The following RPN1 variants were observed in gnomAD, a reference collection of about 807,000 sequenced individuals.
RPN1 encodes the protein ribophorin I, also known as dolichyl-diphosphooligosaccharide--protein glycosyltransferase subunit 1.
RPN1 carries 12 observed loss-of-function variants against 55.5 expected under a neutral mutation model. The ratio of observed to expected loss-of-function variants is 0.22; its 90% CI spans 0.14 to 0.35. The LOEUF (loss-of-function observed/expected upper bound fraction) is 0.35. RPN1 is among the 10% of genes least tolerant of loss of function. RPN1 has a pLI of 1.00. For synonymous variants in RPN1, 317 were observed against 305.9 expected (o/e 1.04, Z -0.38); for missense variants, 679 against 761.3 (o/e 0.89, Z 1.27).
chr3:128,639,321 G>A (rs2069707327), intron 2 of RPN1, among the ~76,000 whole-genome samples: 1 of 151,854 alleles, frequency 6.6e-6, no homozygotes. Flanking sequence ...GGGCGTTGTG[G>A]CGGGCACCTG....
At chr3:128,631,477 T>C (rs1334292145) in intron 4 of RPN1, among the ~76,000 whole-genome samples, 2 of 137,532 alleles carry the variant, frequency 1.5e-5, no homozygotes, top group African/African-American at 5.6e-5. Flanking sequence ...AAACTCCGTC[T>C]CAAGAAAAAA....
chr3:128,637,903 G>A lies in RPN1; in HGVS notation c.529C>T (p.Leu177Phe). Residue 177 changes from leucine (L) to phenylalanine (F), a missense_variant, in exon 3 of 10, where the codon CTT becomes TTT. This residue lies in a region of RPN1 where 352 missense variants were observed against 352.8 expected (regional missense o/e 1.00). Transcript: ENST00000296255. Reference protein sequence around the residue: ...PTKTQTMRVKLASRNVESYTK... With the variant: ...PTKTQTMRVKFASRNVESYTK... ...TAGCTCTCCACATTTCGAGAGGCAAGCTTCACACGCATGGTTTGTGTCTTC... is the reference window on the plus strand; with the variant it reads ...TAGCTCTCCACATTTCGAGAGGCAAACTTCACACGCATGGTTTGTGTCTTC... 6.2e-7 allele frequency: 1 copy of A among 1,614,182 alleles called. No homozygotes were observed. The highest frequency in any genetic ancestry group is 8.5e-7 in the Non-Finnish European group (1 of 1,180,042).
intron 4 of RPN1, among the ~76,000 whole-genome samples, chr3:128,630,704 A>C (rs2107715644): frequency 6.6e-6 from 1 of 152,370 alleles, no homozygotes; most frequent in South Asian, 2.1e-4. Context: ...ATATGATAAA[A>C]TGTTTTTTAA....
chr3:128,626,895 G>A, intron 5 of RPN1, 63 bp from the exon 6 acceptor site: 1 of 1,423,506 alleles, frequency 7.0e-7, no homozygotes, highest in Non-Finnish European at 9.9e-7. Context: ...AGGAGAGAAA[G>A]AAGTACAGGG....
In RPN1 at chr3:128,625,622, A is replaced by T; in HGVS notation, c.1307T>A (p.Leu436Gln). 2 of 1,614,124 alleles carry T rather than the reference A, an allele frequency of 1.2e-6. No homozygotes were observed. Among genetic ancestry groups the T allele is most frequent in the Non-Finnish European group, 1.7e-6 (2 of 1,179,996 alleles). ...CGCCACCACCAGCAGGGGCTCCTGC[A>T]GCATGAGCACCTTGTTGAACGTGTA... ...VHYTFNKVLM[L>Q]QEPLLVVAAF... Residue 436 changes from leucine to glutamine, a missense_variant, in exon 8 of 10, where the codon CTG (leucine) becomes CAG (glutamine). By Grantham distance (113) the Leu-to-Gln change is moderately radical. Transcript: ENST00000296255.
At chr3:128,648,905 C>G (rs946017623) in intron 1 of RPN1, among the ~76,000 whole-genome samples, 16 of 152,152 alleles carry the variant, frequency 1.1e-4, no homozygotes, top group African/African-American at 4.8e-5. Flanking sequence ...ACTGTAAGAC[C>G]GCATGTAAGG....
Position 128,631,966 on chromosome 3 carries a change from G to A in RPN1, c.825C>T (p.Ser275=), listed in dbSNP as rs546291767. The change falls in exon 4 of 10, where the codon TCC becomes TCT. Residue 275 remains serine, a synonymous_variant. Transcript: ENST00000296255. The stretch of plus-strand genomic sequence containing the variant: ...TCCATACCTTAAAAGAACGGATGGA[G>A]GATATTCCACTATCTGGCTGTCTCT... ...DYQRQPDSGI[S]SIRSFKTILP... The A allele has an allele frequency of 1.2e-6, 2 of 1,614,158 alleles. No individual in the cohort carries two copies. The highest frequency in any genetic ancestry group is 1.1e-5 in the South Asian group (1 of 91,082).
At chr3:128,631,345 G>A (rs1367025227) in intron 4 of RPN1, among the ~76,000 whole-genome samples, 2 of 151,660 alleles carry the variant, frequency 1.3e-5, no homozygotes, top group Admixed American at 6.6e-5. Context: ...AGGCTTGGTG[G>A]TGCATGCCTG....
chr3:128,637,606 TA>T (rs1017758355), intron 3 of RPN1, among the ~76,000 whole-genome samples, 192 bp downstream of exon 3: 2 of 152,174 alleles, frequency 1.3e-5, no homozygotes, highest in Non-Finnish European at 2.9e-5. Flanking sequence ...CCCTAGCCTC[TA>T]CCTGTGATCC....
chr3:128,635,618 TATATATATATATATATATATAG>T (rs1200936207), intron 3 of RPN1, among the ~76,000 whole-genome samples: 2 of 23,222 alleles, frequency 8.6e-5, no homozygotes, highest in Admixed American at 7.7e-4. Flanking sequence ...TTGAGATATA[TATATATATATATATATATATAG>T]ATATATATAT....
chr3:128,620,538 G>A lies in RPN1; in HGVS notation c.1697C>T (p.Ala566Val), dbSNP rs754321104. 2.0e-5 allele frequency: 32 copies of A among 1,613,892 alleles called. No homozygotes were observed. Among genetic ancestry groups the A allele is most frequent in the East Asian group, 1.6e-4 (7 of 44,892 alleles). The change falls in exon 10 of 10, where the codon GCG becomes GTG. Residue 566 changes from alanine to valine, a missense_variant. Ala to Val is a moderately conservative substitution (Grantham distance 64). This residue lies in a region of RPN1 where 306 missense variants were observed against 360.0 expected (regional missense o/e 0.85). Transcript: ENST00000296255. ...AQVKELVLKS[A>V]VEAERLVAGK... ...AGCCACCAGGCGCTCAGCCTCCACC[G>A]CCGACTTCAGCACCAGCTCCTTGAC...
At chr3:128,625,469 T>C (rs2069591252) in intron 8 of RPN1, 65 bp downstream of exon 8, 1 of 1,612,440 alleles carries the variant, frequency 6.2e-7, no homozygotes, top group Non-Finnish European at 8.5e-7. Flanking sequence ...TGAGGATCAG[T>C]GCTCAAGCTG....
At chr3:128,632,387 A>T (rs1308530631) in intron 3 of RPN1, among the ~76,000 whole-genome samples, 2 of 152,204 alleles carry the variant, frequency 1.3e-5, no homozygotes, top group Non-Finnish European at 2.9e-5. Flanking sequence ...CAAAAAAATA[A>T]TGTGTCTGGA....
Position 128,620,384 on chromosome 3 carries a change from G to T in RPN1, c.*27C>A. 1 of 1,594,238 alleles carries T rather than the reference G, an allele frequency of 6.3e-7. No individual in the cohort carries two copies. The highest frequency in any genetic ancestry group is 1.3e-5 in the African/African-American group (1 of 74,642). ...TGCCACAGCAAAGTGCAGGCACCCT[G>T]GGCCCCCTGGAGGATGCGGGCAGGG... On this transcript the variant is annotated 3_prime_UTR_variant, in exon 10 of 10. Coordinates refer to ENST00000296255, the MANE Select transcript of RPN1 (RefSeq NM_002950.4).
Position 128,626,740 on chromosome 3 carries a change from C to T in RPN1, c.1129G>A (p.Gly377Arg). Residue 377 changes from glycine (G) to arginine (R), a missense_variant, in exon 6 of 10, where the codon GGA (glycine) becomes AGA (arginine). By Grantham distance (125) the Gly-to-Arg change is moderately radical. This residue lies in a region of RPN1 where 306 missense variants were observed against 360.0 expected (regional missense o/e 0.85). Transcript: ENST00000296255. ...SLTVKIILPE[G>R]AKNIEIDSPY... ...AGGAACAGTCACACTCACTTGGCTC[C>T]TTCAGGCAGGATGATCTTCACAGTC... The T allele has an allele frequency of 6.2e-7, 1 of 1,614,108 alleles. No homozygotes were observed. Among genetic ancestry groups the T allele is most frequent in the South Asian group, 1.1e-5 (1 of 91,084 alleles).
At chr3:128,634,023 C>CA (rs1182751114) in intron 3 of RPN1, among the ~76,000 whole-genome samples, 1 of 151,286 alleles carries the variant, frequency 6.6e-6, no homozygotes, top group Non-Finnish European at 1.5e-5. Flanking sequence ...AACAACAAAA[C>CA]AAAAAAACTG....
chr3:128,630,485 T>C (rs2069633165), intron 4 of RPN1, among the ~76,000 whole-genome samples: 1 of 152,174 alleles, frequency 6.6e-6, no homozygotes, highest in South Asian at 2.1e-4. Context: ...AGAAATTTCA[T>C]CAAATTACTA....
chr3:128,635,634 T>TATATAG (rs1316474320), intron 3 of RPN1, among the ~76,000 whole-genome samples: 1 of 23,066 alleles, frequency 4.3e-5, no homozygotes, highest in Non-Finnish European at 8.4e-5. Context: ...TATATATATA[T>TATATAG]ATATAGATAT....
At chr3:128,648,212 G>A (rs569037683) in intron 1 of RPN1, among the ~76,000 whole-genome samples, 7 of 152,174 alleles carry the variant, frequency 4.6e-5, no homozygotes, top group South Asian at 2.1e-4. Flanking sequence ...GCCAACATGC[G>A]TGAAACCCTG....
Sources: allele counts gnomAD v4.1 joint callset (sites outside exome capture counted in the v4.1 genomes callset), GRCh38; gene constraint gnomAD v4.1.1; regional missense constraint gnomAD v4.1.1; transcripts MANE v1.5; gene names NCBI Gene and HGNC (gene_info 2026-07-23, HGNC 2026-07-21).